Variants in DCST1 observed in about 807,000 individuals in gnomAD.
DCST1 encodes the protein E3 ubiquitin-protein ligase DCST1.
Under a neutral mutation model 89.1 loss-of-function variants are expected in DCST1, and 78 were observed. The ratio of observed to expected loss-of-function variants is 0.88; its 90% CI spans 0.73 to 1.06. The LOEUF (loss-of-function observed/expected upper bound fraction) is 1.06. DCST1 is among the 50% of genes least tolerant of loss of function. The probability of loss-of-function intolerance (pLI) is 0.00; values close to 1 mark genes in which losing one functional copy is unlikely to be tolerated. For missense variants in DCST1, 900 were observed against 928.6 expected (o/e 0.97, Z 0.40); for synonymous variants, 364 against 371.9 (o/e 0.98, Z 0.24).
In DCST1 at chr1:155,050,898, T is replaced by C; in HGVS notation, c.*30T>C. On this transcript the variant is annotated 3_prime_UTR_variant, in exon 17 of 17. Coordinates refer to ENST00000295542, the MANE Select transcript of DCST1 (RefSeq NM_152494.4). ...GCGTCCTGCTCGCTCTTCCGCACCG[T>C]CCTTCCCGGTTAATAAAATGCCCTG... is the stretch of plus-strand genomic sequence containing the variant. 3.1e-6 allele frequency: 5 copies of C among 1,598,500 alleles called. No individual in the cohort carries two copies. Among genetic ancestry groups the C allele is most frequent in the Non-Finnish European group, 4.3e-6 (5 of 1,168,464 alleles).
rs771364509 is a variant in DCST1 at position 155,034,071 on chromosome 1, G to A, written c.35G>A (p.Gly12Glu). The change falls in exon 2 of 17, where the codon GGG becomes GAG. Residue 12 changes from glycine to glutamate, a missense_variant. Transcript: ENST00000295542. ...DIKHHQNGTR[G>E]QRRKQPHTTV... ...AAACATCATCAGAATGGCACAAGAG[G>A]GCAAAGAAGAAAACAGCCTCATACC... The A allele has an allele frequency of 6.2e-7, 1 of 1,614,008 alleles. No individual in the cohort carries two copies.
chr1:155,048,245 A>C (rs1660725437), intron 16 of DCST1, 75 bp downstream of exon 16: 1 of 1,207,560 alleles, frequency 8.3e-7, no homozygotes, highest in Admixed American at 1.9e-5. Flanking sequence ...AGCTCCCTTC[A>C]GTCCACCCAG....
chr1:155,039,223 G>A (rs1660355235), intron 4 of DCST1, among the ~76,000 whole-genome samples, 180 bp from the exon 5 acceptor site: 1 of 152,242 alleles, frequency 6.6e-6, no homozygotes, highest in Non-Finnish European at 1.5e-5. Context: ...AACTCTGTGA[G>A]TGGCTGCTGA....
chr1:155,044,638 T>C (rs1265136151), intron 10 of DCST1, among the ~76,000 whole-genome samples: 1 of 152,174 alleles, frequency 6.6e-6, no homozygotes. Flanking sequence ...GGGCTCCAAA[T>C]GGCCGCAGAT....
Position 155,042,102 on chromosome 1 carries a change from AT to A in DCST1, c.892+256del, listed in dbSNP as rs369934745. ...CAGAATAACAGTAGTTCTTGCATTAATTTTTTTTTTTGAGACGGGGTGCTTC... is the reference window on the plus strand; with the variant it reads ...CAGAATAACAGTAGTTCTTGCATTAATTTTTTTTTTGAGACGGGGTGCTTC... On this transcript the variant is annotated intron_variant, in intron 8 of 16. Transcript: ENST00000295542. Among the ~76,000 whole-genome samples, 349 of 149,214 alleles carry A rather than the reference AT, an allele frequency of 2.3e-3. 5 individuals carry two copies. Among genetic ancestry groups the A allele is most frequent in the African/African-American group, 7.8e-3 (318 of 40,880 alleles).
In DCST1 at chr1:155,043,531, A is replaced by T. The variant is rs140467668; in HGVS notation, c.1172+22A>T. ...ATGCGTGAGCCATAGTCCCCACCCC[A>T]GCAGCCCCTCCTCTGCCCCGGACTG... On this transcript the variant is annotated intron_variant, in intron 10 of 16. Coordinates refer to ENST00000295542, the MANE Select transcript of DCST1 (RefSeq NM_152494.4). The T allele has an allele frequency of 2.2e-5, 34 of 1,554,308 alleles. No individual in the cohort carries two copies. The African/African-American group carries it at 3.9e-4, about 18-fold the overall frequency.
Position 155,040,575 on chromosome 1 carries a change from C to A in DCST1, c.482C>A (p.Ala161Asp). The A allele has an allele frequency of 6.3e-7, 1 of 1,587,466 alleles. No homozygotes were observed. Among genetic ancestry groups the A allele is most frequent in the Admixed American group, 1.8e-5 (1 of 56,738 alleles). Residue 161 changes from alanine (A) to aspartate (D), a missense_variant, in exon 6 of 17, where the codon GCT (alanine) becomes GAT (aspartate). Transcript: ENST00000295542. ...VELQINNTRA[A>D]WRISTAPLRA... is the part of the protein sequence containing the mutation. ...CTGCAGATCAACAACACCCGCGCAG[C>A]TTGGCGCATCTCCACAGCCCCCTTA...
intron 13 of DCST1, among the ~76,000 whole-genome samples, chr1:155,046,817 G>T (rs975322868): frequency 2.6e-5 from 4 of 151,940 alleles, no homozygotes; most frequent in African/African-American, 9.7e-5. Context: ...TGTTGGTCAG[G>T]CTGGTCTCGA....
intron 10 of DCST1, 84 bp downstream of exon 10, chr1:155,043,593 C>T: frequency 7.0e-7 from 1 of 1,428,746 alleles, no homozygotes; most frequent in South Asian, 1.4e-5. Context: ...GGATGGAACC[C>T]TAGCACCTAT....
At chr1:155,034,824 A>C in intron 4 of DCST1, 97 bp downstream of exon 4, 1 of 1,326,316 alleles carries the variant, frequency 7.5e-7, no homozygotes, top group Non-Finnish European at 1.1e-6. Flanking sequence ...TTTCTTCTGT[A>C]CCCATACATC....
At chr1:155,039,340 A>G in intron 4 of DCST1, 63 bp from the exon 5 acceptor site, 1 of 1,457,638 alleles carries the variant, frequency 6.9e-7, no homozygotes, top group South Asian at 1.5e-5. Flanking sequence ...GTGCTCTGGT[A>G]AACGTGAGGA....
intron 6 of DCST1, 146 bp downstream of exon 6, chr1:155,040,770 A>C: frequency 7.8e-7 from 1 of 1,280,998 alleles, no homozygotes; most frequent in Non-Finnish European, 1.1e-6. Flanking sequence ...AACATTGCAG[A>C]ACGTGCCCTG....
chr1:155,047,444 G>A, intron 14 of DCST1, 132 bp downstream of exon 14: 1 of 800,696 alleles, frequency 1.2e-6, no homozygotes, highest in East Asian at 2.6e-5. Context: ...TTGAGCTGGG[G>A]AAATCGGAGC....
chr1:155,049,615 A>G (rs868287731), intron 16 of DCST1, among the ~76,000 whole-genome samples: 6 of 152,126 alleles, frequency 3.9e-5, no homozygotes, highest in African/African-American at 1.4e-4. Context: ...ACAGTATCTT[A>G]GTACAGGACC....
chr1:155,042,141 C>T (rs936420717), intron 8 of DCST1, among the ~76,000 whole-genome samples: 6 of 152,172 alleles, frequency 3.9e-5, no homozygotes, highest in Non-Finnish European at 5.9e-5. Context: ...TCTTGTCACC[C>T]AGACTGGAGT....
intron 16 of DCST1, 70 bp downstream of exon 16, chr1:155,048,240 C>CCTT: frequency 2.3e-6 from 3 of 1,278,550 alleles, no homozygotes; most frequent in Non-Finnish European, 3.4e-6. Context: ...GGGGCAGCTC[C>CCTT]CTTCAGTCCA....
rs774348378 is a variant in DCST1, at chr1:155,040,602, G to A, written c.509G>A (p.Arg170Gln). ...TGGCGCATCTCCACAGCCCCCTTAC[G>A]GGCCATGTTCAAGGACCTGCTGGTC... ...AAWRISTAPLRAMFKDLLSSK... is the reference protein window; with the variant it reads ...AAWRISTAPLQAMFKDLLSSK... Residue 170 changes from arginine (R) to glutamine (Q), a missense_variant, in exon 6 of 17, where the codon CGG becomes CAG. Transcript: ENST00000295542. The A allele has an allele frequency of 1.6e-5, 25 of 1,581,136 alleles. No homozygotes were observed. Among genetic ancestry groups the A allele is most frequent in the Middle Eastern group, 3.9e-4 (2 of 5,068 alleles).
chr1:155,047,716 G>A (rs1660701578), intron 14 of DCST1, 71 bp from the exon 15 acceptor site: 2 of 1,446,160 alleles, frequency 1.4e-6, no homozygotes, highest in Non-Finnish European at 1.9e-6. Context: ...CACTGGGATG[G>A]GAAGTCCAAC....
intron 4 of DCST1, among the ~76,000 whole-genome samples, chr1:155,039,131 C>G (rs144483915): frequency 3.3e-5 from 5 of 152,248 alleles, no homozygotes; most frequent in African/African-American, 1.2e-4. Flanking sequence ...TTCCCTAACA[C>G]AAACACACAC....
Sources: gnomAD v4.1 joint callset for allele counts (sites outside exome capture counted in the v4.1 genomes callset) on GRCh38, gnomAD v4.1.1 for gene constraint, MANE v1.5 for transcripts, NCBI Gene and HGNC (gene_info 2026-07-23, HGNC 2026-07-21) for gene names.